The following PDE1C variants were observed in gnomAD, a reference collection of about 807,000 sequenced individuals.
The protein encoded by PDE1C is dual specificity calcium/calmodulin-dependent 3',5'-cyclic nucleotide phosphodiesterase 1C.
In PDE1C, 62 loss-of-function variants were observed where a neutral mutation model predicts 93.1. The observed-to-expected ratio is 0.67, with a 90% confidence interval of 0.54 to 0.82. The LOEUF (loss-of-function observed/expected upper bound fraction) is 0.82, where lower values mean the gene tolerates loss of function less well. PDE1C is among the 40% of genes least tolerant of loss of function. The pLI, the probability that PDE1C is intolerant of heterozygous loss-of-function variation, is 0.00. For synonymous variants in PDE1C, 325 were observed against 310.1 expected (o/e 1.05, Z -0.50); for missense variants, 742 against 884.6 (o/e 0.84, Z 2.04).
intron 3 of PDE1C, among the ~76,000 whole-genome samples, chr7:32,131,739 G>A (rs1043854210): frequency 6.6e-6 from 1 of 152,102 alleles, no homozygotes; most frequent in Non-Finnish European, 1.5e-5. Flanking sequence ...TAGAGACATT[G>A]CCTTCCAAAT....
intron 2 of PDE1C, among the ~76,000 whole-genome samples, chr7:32,030,463 T>C (rs955120781): frequency 1.8e-4 from 27 of 152,118 alleles, no homozygotes; most frequent in African/African-American, 6.5e-4. Context: ...TTGAATTGGT[T>C]ATTTTTTAAA....
At chr7:32,303,022 G>A (rs575280223), upstream of PDE1C, among the ~76,000 whole-genome samples, 190 of 152,290 alleles carry the variant, frequency 1.2e-3, no homozygotes, top group African/African-American at 4.2e-3. Flanking sequence ...TTTCTGAACT[G>A]CAACCTTGCT....
intron 1 of PDE1C, among the ~76,000 whole-genome samples, chr7:32,410,751 T>C (rs1785153013): frequency 6.6e-6 from 1 of 152,170 alleles, no homozygotes; most frequent in African/African-American, 2.4e-5. Context: ...GCTCCCTCCA[T>C]AGCACTGCCT....
chr7:32,120,480 C>G (rs529120162), intron 3 of PDE1C, among the ~76,000 whole-genome samples: 32 of 152,270 alleles, frequency 2.1e-4, no homozygotes, highest in African/African-American at 7.0e-4. Flanking sequence ...TTCCTACTGG[C>G]ATCAGGTTGG....
intron 2 of PDE1C, among the ~76,000 whole-genome samples, chr7:32,206,224 G>A (rs529465500): frequency 6.6e-6 from 1 of 152,174 alleles, no homozygotes; most frequent in African/African-American, 2.4e-5. Flanking sequence ...GGGGGATTTG[G>A]GGATTGTGTA....
In PDE1C at chr7:31,995,593, T is replaced by C. The variant is rs147877011; in HGVS notation, c.128+55961A>G. 3.3e-5 allele frequency among the ~76,000 whole-genome samples: 5 copies of C among 152,302 alleles called. No homozygotes were observed. The East Asian group carries it at 9.7e-4, about 29-fold the overall frequency. ...TATTGTTGTGCTTTGTTTGTTTTAG[T>C]CTCATTGCCTCTAGATTTTGGCTTT... On this transcript the variant is annotated intron_variant, in intron 2 of 17. Transcript: ENST00000396191.
intron 9 of PDE1C, among the ~76,000 whole-genome samples, chr7:31,845,317 A>G (rs752508244): frequency 3.3e-5 from 5 of 152,122 alleles, no homozygotes; most frequent in African/African-American, 7.2e-5. Flanking sequence ...CCTGATCTTT[A>G]TATGTCACTT....
chr7:31,712,838 A>G, the PDE1C span, among the ~76,000 whole-genome samples: 309 of 152,282 alleles, frequency 2.0e-3, 2 homozygotes, highest in Middle Eastern at 6.8e-3. Context: ...TCCTCTTTTT[A>G]AAACCATCAG....
At position 31,932,384 on chromosome 7, in the gene PDE1C, G is replaced by A. The variant is rs113436819; in HGVS notation, c.129-51524C>T. Among the ~76,000 whole-genome samples the A allele has an allele frequency of 9.0e-3, 1,373 of 151,888 alleles. 22 individuals are homozygous for A. Among genetic ancestry groups the A allele is most frequent in the African/African-American group, 0.031 (1,280 of 41,472 alleles). On this transcript the variant is annotated intron_variant, in intron 2 of 17. Coordinates refer to ENST00000396191, the MANE Select transcript of PDE1C (RefSeq NM_001191057.4). ...ACAAATTTACAAGAAAAAAGAAAAC[G>A]ACCCCATCAAAAAGTGGGTGAAGGA...
chr7:32,210,594 T>C (rs1362760782), intron 1 of PDE1C, among the ~76,000 whole-genome samples: 1 of 152,226 alleles, frequency 6.6e-6, no homozygotes, highest in Non-Finnish European at 1.5e-5. Context: ...TAAAATTTAC[T>C]GCATTTGAGC....
intron 1 of PDE1C, among the ~76,000 whole-genome samples, chr7:32,399,627 G>C (rs548331999): frequency 7.4e-6 from 1 of 134,260 alleles, no homozygotes; most frequent in African/African-American, 2.8e-5. Flanking sequence ...CTGTTGCCCA[G>C]ACTGGAATGC....
At chr7:32,417,787 CAA>C (rs1198182393) in intron 1 of PDE1C, among the ~76,000 whole-genome samples, 1 of 151,560 alleles carries the variant, frequency 6.6e-6, no homozygotes, top group Admixed American at 6.6e-5. Flanking sequence ...TCATTTATCT[CAA>C]GTTTTTCTTG....
In PDE1C at chr7:32,255,226, T is replaced by C. The variant is rs574954478; in HGVS notation, c.85+43425A>G. On this transcript the variant is annotated intron_variant, in intron 1 of 18. Transcript: ENST00000396193. Reference sequence around the variant, plus strand: ...TTCATGGGAGTCAAGGCCTCTCAGATGGGAGACACCAAGATAAACCGCCTG... The same window carrying C: ...TTCATGGGAGTCAAGGCCTCTCAGACGGGAGACACCAAGATAAACCGCCTG... Among the ~76,000 whole-genome samples the C allele has an allele frequency of 1.9e-4, 29 of 152,258 alleles. No individual in the cohort carries two copies. In the South Asian group the frequency reaches 6.0e-3, roughly 32 times the overall value.
At chr7:31,999,212 A>C (rs533110061) in intron 2 of PDE1C, among the ~76,000 whole-genome samples, 4 of 152,240 alleles carry the variant, frequency 2.6e-5, no homozygotes, top group Admixed American at 2.0e-4. Context: ...GCCCCTCTAG[A>C]ACTCACAGAC....
intron 2 of PDE1C, among the ~76,000 whole-genome samples, chr7:32,036,228 C>T (rs988066471): frequency 2.9e-4 from 44 of 152,266 alleles, no homozygotes; most frequent in African/African-American, 1.0e-3. Context: ...AGGTCAGCTA[C>T]ATTCATTCAT....
chr7:31,886,653 G>C (rs1303829112), intron 2 of PDE1C, among the ~76,000 whole-genome samples: 1 of 152,120 alleles, frequency 6.6e-6, no homozygotes, highest in African/African-American at 2.4e-5. Context: ...GCCCTCCCCA[G>C]TGGAGTTGAC....
At chr7:32,142,132 AGAG>A (rs1291646530) in intron 3 of PDE1C, among the ~76,000 whole-genome samples, 2 of 152,028 alleles carry the variant, frequency 1.3e-5, no homozygotes, top group African/African-American at 2.4e-5. Context: ...GAGGAAAAGG[AGAG>A]GAGAAGAAGG....
intron 2 of PDE1C, among the ~76,000 whole-genome samples, chr7:31,972,435 T>C (rs1427253249): frequency 6.6e-6 from 1 of 152,182 alleles, no homozygotes; most frequent in Non-Finnish European, 1.5e-5. Flanking sequence ...AAACTCTTCA[T>C]AGAATCTTAG....
At chr7:31,908,459 C>T (rs1431132401) in intron 2 of PDE1C, among the ~76,000 whole-genome samples, 2 of 152,130 alleles carry the variant, frequency 1.3e-5, no homozygotes, top group East Asian at 3.8e-4. Flanking sequence ...CACATCCCAC[C>T]ACTGCAGGGC....
Sources: allele counts gnomAD v4.1 joint callset (sites outside exome capture counted in the v4.1 genomes callset), GRCh38; gene constraint gnomAD v4.1.1; transcripts MANE v1.5; gene names NCBI Gene and HGNC (gene_info 2026-07-23, HGNC 2026-07-21).